Variants in QRFPR observed in about 807,000 individuals in gnomAD.
The protein encoded by QRFPR is pyroglutamylated RF-amide peptide receptor.
A neutral mutation model predicts 31.3 loss-of-function variants in QRFPR; 37 were observed. The ratio of observed to expected loss-of-function variants is 1.18; its 90% CI spans 0.91 to 1.56. The LOEUF (loss-of-function observed/expected upper bound fraction) is 1.56, where lower values mean the gene tolerates loss of function less well. Among genes scored for constraint, QRFPR ranks in the 40% most tolerant of loss-of-function variants. The pLI, the probability that QRFPR is intolerant of heterozygous loss-of-function variation, is 0.00. For missense variants in QRFPR, 542 were observed against 532.5 expected, an observed-to-expected ratio of 1.02 and a Z score of -0.18; for synonymous variants, 197 against 192.0, an observed-to-expected ratio of 1.03 and a Z score of -0.22.
At chr4:121,337,327 T>A (rs572039036) in intron 2 of QRFPR, among the ~76,000 whole-genome samples, 6 of 152,314 alleles carry the variant, frequency 3.9e-5, no homozygotes, top group Admixed American at 3.3e-4. Flanking sequence ...GACTCAGAAA[T>A]CACCTTCTCT....
chr4:121,328,868 G>A lies in QRFPR; in HGVS notation c.*446C>T, dbSNP rs1560730679. Among the ~76,000 whole-genome samples, 1 of 152,106 alleles carries A rather than the reference G, an allele frequency of 6.6e-6. No individual in the cohort carries two copies. Among genetic ancestry groups the A allele is most frequent in the African/African-American group, 2.4e-5 (1 of 41,428 alleles). The stretch of plus-strand genomic sequence containing the variant: ...CCTCCCGGGTTCACACCATTCTCCC[G>A]CCTGAGGCTCCCAAGTAGCTGGGAC... On this transcript the variant is annotated 3_prime_UTR_variant, in exon 6 of 6. Coordinates refer to ENST00000394427, the MANE Select transcript of QRFPR (RefSeq NM_198179.3).
intron 1 of QRFPR, among the ~76,000 whole-genome samples, chr4:121,350,852 T>C (rs1579578023): frequency 6.6e-6 from 1 of 152,178 alleles, no homozygotes; most frequent in South Asian, 2.1e-4. Flanking sequence ...ACTGGGAAAA[T>C]GTCAAATGAG....
chr4:121,351,216 A>G (rs929968997), intron 1 of QRFPR, among the ~76,000 whole-genome samples: 1 of 152,190 alleles, frequency 6.6e-6, no homozygotes, highest in Admixed American at 6.5e-5. Flanking sequence ...GTCCCCTGGA[A>G]AACTTTGACT....
chr4:121,331,335 C>T (rs1247920280), intron 4 of QRFPR, among the ~76,000 whole-genome samples: 1 of 151,344 alleles, frequency 6.6e-6, no homozygotes, highest in Non-Finnish European at 1.5e-5. Flanking sequence ...AGGTGCATGC[C>T]ACTACACCCA....
chr4:121,380,262 A>G, intron 1 of QRFPR, 46 bp downstream of exon 1: 1 of 1,398,788 alleles, frequency 7.1e-7, no homozygotes, highest in Non-Finnish European at 9.9e-7. Context: ...CCTGAAAGGC[A>G]GAGGGTTAAG....
chr4:121,366,442 T>C (rs1360686782), intron 1 of QRFPR, among the ~76,000 whole-genome samples: 2 of 149,904 alleles, frequency 1.3e-5, no homozygotes, highest in Non-Finnish European at 3.0e-5. Flanking sequence ...TGACATTCAA[T>C]CCTAGGTCTT....
intron 1 of QRFPR, among the ~76,000 whole-genome samples, chr4:121,366,759 A>G (rs1267641621): frequency 6.7e-6 from 1 of 150,190 alleles, no homozygotes; most frequent in African/African-American, 2.5e-5. Context: ...AGAATAGCTA[A>G]TTAATACACT....
chr4:121,369,427 G>C, intron 1 of QRFPR: 1 of 805,084 alleles, frequency 1.2e-6, no homozygotes, highest in African/African-American at 1.7e-5. Flanking sequence ...GAAAGAAAGG[G>C]CTCTAGAAGC....
intron 1 of QRFPR, among the ~76,000 whole-genome samples, chr4:121,361,162 G>T (rs1365873255): frequency 8.2e-5 from 11 of 133,820 alleles, no homozygotes; most frequent in African/African-American, 3.1e-4. Context: ...ATTATAATTA[G>T]AGAAATTTGT....
chr4:121,338,537 G>T (rs554963772), intron 2 of QRFPR, among the ~76,000 whole-genome samples: 2 of 152,164 alleles, frequency 1.3e-5, no homozygotes, highest in African/African-American at 4.8e-5. Flanking sequence ...ATCAGCAATC[G>T]TTAGTGTTAG....
At chr4:121,365,163 A>C (rs1229211481) in intron 1 of QRFPR, among the ~76,000 whole-genome samples, 2 of 149,292 alleles carry the variant, frequency 1.3e-5, no homozygotes, top group African/African-American at 5.0e-5. Context: ...ACAAAAGATA[A>C]ATACAATCTC....
At chr4:121,354,709 T>C (rs1326181978) in intron 1 of QRFPR, among the ~76,000 whole-genome samples, 1 of 152,090 alleles carries the variant, frequency 6.6e-6, no homozygotes, top group South Asian at 2.1e-4. Flanking sequence ...GTTTCTATCA[T>C]GTTGAATATG....
In QRFPR at chr4:121,336,860, A is replaced by G. The variant is rs1009598785; in HGVS notation, c.508T>C (p.Trp170Arg). 1.2e-6 allele frequency: 2 copies of G among 1,613,992 alleles called. No individual in the cohort carries two copies. The highest frequency in any genetic ancestry group is 2.7e-5 in the African/African-American group (2 of 74,930). ...RRAFTMLGVV[W>R]LVAVIVGSPM... ...GATCCTACGATGACTGCCACCAGCC[A>G]GACCACACCTGTAAAAGTGTTAAAG... Residue 170 changes from tryptophan (W) to arginine (R), a missense_variant, in exon 3 of 6, where the codon TGG becomes CGG. Physicochemically the swap from Trp to Arg is moderately radical, Grantham distance 101. Coordinates refer to ENST00000394427, the MANE Select transcript of QRFPR (RefSeq NM_198179.3).
chr4:121,337,940 A>C (rs1054875068), intron 2 of QRFPR, among the ~76,000 whole-genome samples: 1 of 152,216 alleles, frequency 6.6e-6, no homozygotes. Context: ...TTGGGGGAAA[A>C]GTTTCCAGCT....
chr4:121,343,537 C>G (rs77438622), intron 1 of QRFPR, among the ~76,000 whole-genome samples: 11,729 of 152,220 alleles, frequency 0.077, 542 homozygotes, highest in Non-Finnish European at 0.1. Context: ...ATAAAGTCCA[C>G]TGTGTTTGAA....
chr4:121,329,675 A>T lies in QRFPR; in HGVS notation c.935T>A (p.Met312Lys). Residue 312 changes from methionine (M) to lysine (K), a missense_variant, in exon 6 of 6, where the codon ATG becomes AAG. By Grantham distance (95) the Met-to-Lys change is moderately conservative. Transcript: ENST00000394427. ...AATAATTTGCACGATAGCAAAAATC[A>T]TCTTGATTGTGACATCATCATATTC... ...EKEYDDVTIKMIFAIVQIIGF... is the reference protein window; with the variant it reads ...EKEYDDVTIKKIFAIVQIIGF... 1.3e-6 allele frequency: 2 copies of T among 1,572,290 alleles called. No homozygotes were observed. Among genetic ancestry groups the T allele is most frequent in the Middle Eastern group, 1.7e-4 (1 of 5,858 alleles).
Position 121,380,624 on chromosome 4 carries a change from C to G in QRFPR, c.24G>C (p.Pro8=). 1 of 1,584,608 alleles carries G rather than the reference C, an allele frequency of 6.3e-7. No homozygotes were observed. The highest frequency in any genetic ancestry group is 8.6e-7 in the Non-Finnish European group (1 of 1,162,480). Reference sequence around the variant, plus strand: ...CCCGCAGCAGCCGAGAGAACTGCTCCGGGGTAATGTTAAGCGCCTGCATTG... The same window carrying G: ...CCCGCAGCAGCCGAGAGAACTGCTCGGGGGTAATGTTAAGCGCCTGCATTG... MQALNIT[P]EQFSRLLRDH... The change falls in exon 1 of 6, where the codon CCG becomes CCC. Residue 8 remains proline, a synonymous_variant. Coordinates refer to ENST00000394427, the MANE Select transcript of QRFPR (RefSeq NM_198179.3).
intron 1 of QRFPR, among the ~76,000 whole-genome samples, chr4:121,355,852 C>T (rs534715336): frequency 1.2e-3 from 185 of 151,982 alleles, no homozygotes; most frequent in South Asian, 2.5e-3. Flanking sequence ...TTAATTTCCA[C>T]GTGTTTTTAT....
chr4:121,365,581 T>C lies in QRFPR; in HGVS notation c.340+14727A>G, dbSNP rs1486267365. Among the ~76,000 whole-genome samples, 2 of 6,384 alleles carry C rather than the reference T, an allele frequency of 3.1e-4. 1 individual carries two copies. The highest frequency in any genetic ancestry group is 4.1e-3 in the East Asian group (2 of 490). The allele number at this position is 6,384 out of a possible 152,430, so 4.2% of individuals were successfully genotyped here. A position where few individuals can be genotyped will look rare whatever the true frequency, so the allele number is the denominator to read the frequency against. The stretch of plus-strand genomic sequence containing the variant: ...TAATATATATTATATATAATATATA[T>C]TATATATATTATATATATATAATAT... On this transcript the variant is annotated intron_variant, in intron 1 of 5. Coordinates refer to ENST00000394427, the MANE Select transcript of QRFPR (RefSeq NM_198179.3).
Sources: gnomAD v4.1 joint callset for allele counts (sites outside exome capture counted in the v4.1 genomes callset) on GRCh38, gnomAD v4.1.1 for gene constraint, MANE v1.5 for transcripts, NCBI Gene and HGNC (gene_info 2026-07-23, HGNC 2026-07-21) for gene names.